The following CLSTN2 variants were observed in gnomAD, a reference collection of about 807,000 sequenced individuals.
CLSTN2 encodes calsyntenin 2.
In CLSTN2, 48 loss-of-function variants were observed where a neutral mutation model predicts 101.2. The ratio of observed to expected loss-of-function variants is 0.47; its 90% confidence interval spans 0.38 to 0.60. The LOEUF is 0.60. Ranked by LOEUF, CLSTN2 falls within the 20% of genes least tolerant of loss-of-function variation. The pLI is 0.00. For synonymous variants in CLSTN2, 481 were observed against 463.6 expected, an observed-to-expected ratio of 1.04 and a Z score of -0.48; for missense variants, 1,160 against 1,238.2, an observed-to-expected ratio of 0.94 and a Z score of 0.95.
At chr3:140,432,269 C>T (rs560550833) in intron 5 of CLSTN2, among the ~76,000 whole-genome samples, 35 of 152,280 alleles carry the variant, frequency 2.3e-4, no homozygotes, top group African/African-American at 7.9e-4. Context: ...ATGTAAATGC[C>T]TTGTTATGAG....
chr3:140,276,112 AC>A (rs2086792273), intron 2 of CLSTN2, among the ~76,000 whole-genome samples: 1 of 152,086 alleles, frequency 6.6e-6, no homozygotes, highest in African/African-American at 2.4e-5. Flanking sequence ...TTCAATTTCC[AC>A]CCAGAGAGCA....
intron 1 of CLSTN2, among the ~76,000 whole-genome samples, chr3:140,119,091 T>A (rs534755388): frequency 1.1e-3 from 171 of 152,276 alleles, no homozygotes; most frequent in African/African-American, 3.9e-3. Flanking sequence ...AGGGGCAAAA[T>A]GCCTGCTTTG....
At chr3:140,339,427 G>T (rs1373833836) in intron 2 of CLSTN2, among the ~76,000 whole-genome samples, 1 of 152,070 alleles carries the variant, frequency 6.6e-6, no homozygotes, top group African/African-American at 2.4e-5. Context: ...GATTTAATTT[G>T]CTAATCACTT....
rs149568241 is a variant in CLSTN2, at chr3:140,432,008, A to AAC, written c.787+10744_787+10745dup. ...AAATAGACACCATCATGCAAAAGAA[A>AAC]ACACACACACATGAGTACACACATT... On this transcript the variant is annotated intron_variant, in intron 5 of 16. Transcript: ENST00000458420. Among the ~76,000 whole-genome samples the AAC allele has an allele frequency of 6.0e-3, 907 of 152,320 alleles. 11 individuals carry two copies. Among genetic ancestry groups the AAC allele is most frequent in the African/African-American group, 0.021 (879 of 41,568 alleles).
chr3:140,182,390 T>C (rs1032179975), intron 2 of CLSTN2, among the ~76,000 whole-genome samples: 10 of 152,132 alleles, frequency 6.6e-5, no homozygotes, highest in Admixed American at 2.6e-4. Flanking sequence ...ACATGGGATA[T>C]TGGGGAATAA....
rs138019030 is a variant in CLSTN2 at position 140,479,671 on chromosome 3, G to A, written c.1344+12940G>A. 1.6e-3 allele frequency among the ~76,000 whole-genome samples: 241 copies of A among 152,306 alleles called. 1 individual carries two copies. The highest frequency in any genetic ancestry group is 4.8e-3 in the African/African-American group (199 of 41,570). On this transcript the variant is annotated intron_variant, in intron 8 of 16. Transcript: ENST00000458420. Reference sequence around the variant, plus strand: ...AAACTATACAGAAATGTAAAATGTAGAGTGGAAAAATACAATATCTAAAGT... The same window carrying A: ...AAACTATACAGAAATGTAAAATGTAAAGTGGAAAAATACAATATCTAAAGT...
At chr3:140,415,565 T>C (rs1380741710) in intron 4 of CLSTN2, among the ~76,000 whole-genome samples, 1 of 139,280 alleles carries the variant, frequency 7.2e-6, no homozygotes, top group Non-Finnish European at 1.5e-5. Context: ...CCAAAGAAGA[T>C]ACACATATAA....
intron 2 of CLSTN2, among the ~76,000 whole-genome samples, chr3:140,310,973 C>G (rs2107916641): frequency 6.6e-6 from 1 of 152,244 alleles, no homozygotes; most frequent in African/African-American, 2.4e-5. Flanking sequence ...CCAGAGCATC[C>G]CAGGCCGAAG....
chr3:140,123,436 A>G (rs145548902), intron 1 of CLSTN2, among the ~76,000 whole-genome samples: 2 of 152,152 alleles, frequency 1.3e-5, no homozygotes, highest in Non-Finnish European at 2.9e-5. Context: ...GCACTGAAGG[A>G]GCCTCATTTG....
At chr3:140,010,253 ATGAACTAGGAGGTGT>A (rs1324043163) in intron 1 of CLSTN2, among the ~76,000 whole-genome samples, 1 of 152,320 alleles carries the variant, frequency 6.6e-6, no homozygotes, top group African/African-American at 2.4e-5. Flanking sequence ...GTACCCTGCC[ATGAACTAGGAGGTGT>A]TGGTTTTATT....
At chr3:140,363,214 G>T (rs915565844) in intron 2 of CLSTN2, among the ~76,000 whole-genome samples, 1 of 152,038 alleles carries the variant, frequency 6.6e-6, no homozygotes, top group East Asian at 1.9e-4. Context: ...CTAAATAAAA[G>T]AAGTTAATCA....
At chr3:139,995,240 C>T (rs995876050) in intron 1 of CLSTN2, among the ~76,000 whole-genome samples, 5 of 152,168 alleles carry the variant, frequency 3.3e-5, no homozygotes, top group African/African-American at 1.2e-4. Flanking sequence ...CTCAGGGACC[C>T]CAAATGACCC....
intron 9 of CLSTN2, among the ~76,000 whole-genome samples, chr3:140,536,601 A>C (rs2107781728): frequency 6.6e-6 from 1 of 152,342 alleles, no homozygotes; most frequent in Admixed American, 6.5e-5. Context: ...GGGGCTTGAG[A>C]TGGAGATAGG....
chr3:140,070,059 C>G (rs1158840883), intron 1 of CLSTN2, among the ~76,000 whole-genome samples: 1 of 152,232 alleles, frequency 6.6e-6, no homozygotes, highest in Non-Finnish European at 1.5e-5. Flanking sequence ...CACACCTACT[C>G]TTGGATAGCC....
intron 1 of CLSTN2, among the ~76,000 whole-genome samples, chr3:140,079,771 AAAAG>A (rs993389834): frequency 6.6e-6 from 1 of 151,684 alleles, no homozygotes; most frequent in African/African-American, 2.4e-5. Flanking sequence ...AGAAAGAAAA[AAAAG>A]AAAGAAACTA....
At chr3:140,395,706 G>A (rs2088174430) in intron 2 of CLSTN2, among the ~76,000 whole-genome samples, 1 of 152,146 alleles carries the variant, frequency 6.6e-6, no homozygotes, top group African/African-American at 2.4e-5. Context: ...TGATATTCTG[G>A]ACATGATTAC....
In CLSTN2 at chr3:140,322,364, A is replaced by G. The variant is rs1236277675; in HGVS notation, c.233-81265A>G. Among the ~76,000 whole-genome samples, 39 of 152,248 alleles carry G rather than the reference A, an allele frequency of 2.6e-4. 1 individual carries two copies. Among genetic ancestry groups the G allele is most frequent in the Admixed American group, 2.5e-3 (38 of 15,280 alleles). On this transcript the variant is annotated intron_variant, in intron 2 of 16. Transcript: ENST00000458420. ...CATGGCAAGCTTCATGCTGAGGACT[A>G]GGGATAGAAACACAAATATACAGTT...
At chr3:140,505,131 G>C (rs1301424639) in intron 8 of CLSTN2, among the ~76,000 whole-genome samples, 1 of 151,832 alleles carries the variant, frequency 6.6e-6, no homozygotes, top group Non-Finnish European at 1.5e-5. Context: ...CTTCTCTCGA[G>C]GTCCCTGTGA....
intron 1 of CLSTN2, among the ~76,000 whole-genome samples, chr3:139,945,052 AT>A (rs1935195457): frequency 2.6e-5 from 4 of 151,906 alleles, no homozygotes; most frequent in Admixed American, 2.6e-4. Context: ...ACTGCATCAA[AT>A]TGTCATGTGA....
Sources: allele counts gnomAD v4.1 joint callset (sites outside exome capture counted in the v4.1 genomes callset), GRCh38; gene constraint gnomAD v4.1.1; transcripts MANE v1.5; gene names NCBI Gene and HGNC (gene_info 2026-07-23, HGNC 2026-07-21).